Variants in FARP1 observed in about 807,000 individuals in gnomAD.
The protein encoded by FARP1 is FERM, ARH/RhoGEF and pleckstrin domain protein 1.
In FARP1, 52 loss-of-function variants were observed where a neutral mutation model predicts 128.8. The observed-to-expected ratio is 0.40, with a 90% confidence interval of 0.32 to 0.51. The LOEUF is 0.51. FARP1 is among the 20% of genes least tolerant of loss of function. The probability of loss-of-function intolerance (pLI) is 0.45; values close to 1 mark genes in which losing one functional copy is unlikely to be tolerated. For missense variants in FARP1, 1,333 were observed against 1,367.9 expected, an observed-to-expected ratio of 0.97 and a Z score of 0.40; for synonymous variants, 580 against 551.8, an observed-to-expected ratio of 1.05 and a Z score of -0.72.
intron 2 of FARP1, among the ~76,000 whole-genome samples, chr13:98,262,507 A>G (rs1387590148): frequency 6.6e-6 from 1 of 152,190 alleles, no homozygotes; most frequent in East Asian, 1.9e-4. Context: ...AGCTGAGGTC[A>G]TGAAGGAGAC....
intron 5 of FARP1, among the ~76,000 whole-genome samples, chr13:98,373,261 A>G (rs1401917364): frequency 6.6e-6 from 1 of 152,186 alleles, no homozygotes; most frequent in African/African-American, 2.4e-5. Context: ...CTCTTTGTGA[A>G]CACAGAAACT....
rs559726579 is a variant in FARP1 at position 98,220,789 on chromosome 13, G to A, written c.171+7376G>A. 1.8e-3 allele frequency among the ~76,000 whole-genome samples: 274 copies of A among 151,986 alleles called. 1 individual carries two copies. Among genetic ancestry groups the A allele is most frequent in the Admixed American group, 6.9e-3 (105 of 15,268 alleles). Reference sequence around the variant, plus strand: ...CCTTTCAGCTGTAGTTAAGACCCTTGTGATCAAAGTCAGTTCTCTAGCTCT... The same window carrying A: ...CCTTTCAGCTGTAGTTAAGACCCTTATGATCAAAGTCAGTTCTCTAGCTCT... On this transcript the variant is annotated intron_variant, in intron 2 of 26. Coordinates refer to ENST00000319562, the MANE Select transcript of FARP1 (RefSeq NM_005766.4).
intron 16 of FARP1, among the ~76,000 whole-genome samples, chr13:98,414,715 A>G (rs997287110): frequency 6.6e-6 from 1 of 152,234 alleles, no homozygotes; most frequent in Non-Finnish European, 1.5e-5. Flanking sequence ...GCCTCATTAA[A>G]AAGAGCCCAG....
chr13:98,237,504 A>G (rs1882494163), intron 2 of FARP1, among the ~76,000 whole-genome samples: 1 of 152,186 alleles, frequency 6.6e-6, no homozygotes, highest in Non-Finnish European at 1.5e-5. Flanking sequence ...AGTGAACTCA[A>G]GTGTTTTTAG....
intron 19 of FARP1, among the ~76,000 whole-genome samples, chr13:98,437,001 AG>A (rs1265328076): frequency 6.6e-6 from 1 of 152,218 alleles, no homozygotes; most frequent in Non-Finnish European, 1.5e-5. Flanking sequence ...TCGCTCTACC[AG>A]TGCCGGGGTG....
intron 1 of FARP1, among the ~76,000 whole-genome samples, chr13:98,145,962 GT>G (rs906042388): frequency 4.6e-5 from 7 of 151,618 alleles, no homozygotes; most frequent in African/African-American, 1.7e-4. Flanking sequence ...GAAAGGGTTA[GT>G]TTTTTTTAAA....
chr13:98,191,331 A>G (rs192973980), intron 1 of FARP1, among the ~76,000 whole-genome samples: 1 of 152,294 alleles, frequency 6.6e-6, no homozygotes, highest in Non-Finnish European at 1.5e-5. Context: ...TTCAGAATAT[A>G]CTTGTCAACA....
At chr13:98,258,734 T>C (rs1266851965) in intron 2 of FARP1, among the ~76,000 whole-genome samples, 1 of 152,156 alleles carries the variant, frequency 6.6e-6, no homozygotes, top group Non-Finnish European at 1.5e-5. Flanking sequence ...CACTGTTTTC[T>C]GAGGCTCTTT....
At chr13:98,278,204 CTT>C (rs1884757930) in intron 2 of FARP1, among the ~76,000 whole-genome samples, 1 of 144,740 alleles carries the variant, frequency 6.9e-6, no homozygotes, top group Middle Eastern at 3.3e-3. Flanking sequence ...TTCTGTGTGT[CTT>C]TGTGTTGTGT....
At chr13:98,263,528 C>G (rs1883972088) in intron 2 of FARP1, among the ~76,000 whole-genome samples, 1 of 152,190 alleles carries the variant, frequency 6.6e-6, no homozygotes, top group Non-Finnish European at 1.5e-5. Flanking sequence ...TTTATGCTCA[C>G]TATTGAAAAT....
intron 2 of FARP1, among the ~76,000 whole-genome samples, chr13:98,341,988 T>C (rs1462756531): frequency 1.3e-5 from 2 of 152,190 alleles, no homozygotes; most frequent in Non-Finnish European, 2.9e-5. Context: ...GACACATAGG[T>C]ACTAAACCAT....
At chr13:98,209,875 G>A (rs185467703) in intron 1 of FARP1, among the ~76,000 whole-genome samples, 14 of 149,710 alleles carry the variant, frequency 9.4e-5, no homozygotes, top group Admixed American at 2.7e-4. Flanking sequence ...CCAGCTACCC[G>A]GGAGGCTGAG....
intron 2 of FARP1, among the ~76,000 whole-genome samples, chr13:98,319,736 T>C (rs1886908686): frequency 6.6e-6 from 1 of 152,222 alleles, no homozygotes; most frequent in African/African-American, 2.4e-5. Context: ...ATCAAATTGT[T>C]TTTATTTTCC....
chr13:98,362,301 A>G lies in FARP1; in HGVS notation c.277-3094A>G, dbSNP rs565061165. ...AATACCCTTACCTGATTCCCCAGCC[A>G]GCTACCCCCCATTCTGTTGCCTCTT... On this transcript the variant is annotated intron_variant, in intron 3 of 26. Transcript: ENST00000319562. Among the ~76,000 whole-genome samples the G allele has an allele frequency of 1.8e-4, 27 of 152,286 alleles. No homozygotes were observed. The South Asian group carries it at 2.7e-3, about 15-fold the overall frequency.
intron 1 of FARP1, among the ~76,000 whole-genome samples, chr13:98,171,346 A>C (rs1877639669): frequency 6.6e-6 from 1 of 151,922 alleles, no homozygotes; most frequent in African/African-American, 2.4e-5. Flanking sequence ...AGTGACTTAC[A>C]CCCTCTTGTT....
chr13:98,188,623 G>A (rs1879034629), intron 1 of FARP1, among the ~76,000 whole-genome samples: 1 of 152,130 alleles, frequency 6.6e-6, no homozygotes, highest in South Asian at 2.1e-4. Flanking sequence ...ATGTCTGAAG[G>A]CTTAAAGCGG....
At position 98,390,117 on chromosome 13, in the gene FARP1, T is replaced by A. The variant is rs768150374; in HGVS notation, c.1016T>A (p.Phe339Tyr). 4 of 1,612,490 alleles carry A rather than the reference T, an allele frequency of 2.5e-6. No individual in the cohort carries two copies. In the East Asian group the frequency reaches 8.9e-5, roughly 36 times the overall value. ...VLFSRGSSFR[F>Y]SGRTQKQVLD... is the part of the protein sequence containing the mutation. The stretch of plus-strand genomic sequence containing the variant: ...TTTAGCCGGGGGTCATCATTTCGGT[T>A]CAGGTGAGGTCGCCACTTTGTGCCT... Residue 339 changes from phenylalanine to tyrosine, a missense_variant, in exon 10 of 27, where the codon TTC becomes TAC. Phe to Tyr is a conservative substitution (Grantham distance 22). This residue lies in a region of FARP1 where 1,009 missense variants were observed against 969.8 expected (regional missense o/e 1.04). Coordinates refer to ENST00000319562, the MANE Select transcript of FARP1 (RefSeq NM_005766.4).
At chr13:98,205,270 A>G (rs570331133) in intron 1 of FARP1, among the ~76,000 whole-genome samples, 1 of 152,258 alleles carries the variant, frequency 6.6e-6, no homozygotes, top group East Asian at 1.9e-4. Flanking sequence ...TTTAATTTCT[A>G]AAATGTTTTC....
At position 98,272,714 on chromosome 13, in the gene FARP1, C is replaced by T. The variant is rs571136021; in HGVS notation, c.171+59301C>T. Among the ~76,000 whole-genome samples the T allele has an allele frequency of 2.0e-5, 3 of 152,240 alleles. No homozygotes were observed. In the East Asian group the frequency reaches 5.8e-4, roughly 29 times the overall value. On this transcript the variant is annotated intron_variant, in intron 2 of 26. Coordinates refer to ENST00000319562, the MANE Select transcript of FARP1 (RefSeq NM_005766.4). ...GTCAGAGATTAGTGATGTCTTCTGT[C>T]AGGAGGGCTGGTTGCCATGGTTGCT...
Sources: allele counts gnomAD v4.1 joint callset (sites outside exome capture counted in the v4.1 genomes callset), GRCh38; gene constraint gnomAD v4.1.1; regional missense constraint gnomAD v4.1.1; transcripts MANE v1.5; gene names NCBI Gene and HGNC (gene_info 2026-07-23, HGNC 2026-07-21).